The following RANBP10 variants were observed in gnomAD, a reference collection of about 807,000 sequenced individuals.
The protein encoded by RANBP10 is ran-binding protein 10.
In RANBP10, 24 loss-of-function variants were observed where a neutral mutation model predicts 72.8. The ratio of observed to expected loss-of-function variants is 0.33; its 90% confidence interval spans 0.24 to 0.46. RANBP10 has a LOEUF of 0.46. Ranked by LOEUF, RANBP10 falls within the 20% of genes least tolerant of loss-of-function variation. RANBP10 has a pLI of 1.00. For missense variants in RANBP10, 679 were observed against 817.5 expected (o/e 0.83, Z 2.07); for synonymous variants, 310 against 322.3 (o/e 0.96, Z 0.41).
chr16:67,795,319 G>A (rs973731396), intron 2 of RANBP10, among the ~76,000 whole-genome samples: 1 of 150,182 alleles, frequency 6.7e-6, no homozygotes, highest in African/African-American at 2.5e-5. Flanking sequence ...GTAGGAGGAT[G>A]ACCTAAGGTC....
intron 2 of RANBP10, among the ~76,000 whole-genome samples, chr16:67,781,481 C>A (rs1197442157): frequency 2.0e-5 from 3 of 152,132 alleles, no homozygotes; most frequent in Non-Finnish European, 2.9e-5. Context: ...CCAGGGCCTT[C>A]TTTTCTAACT....
At chr16:67,775,170 G>T (rs952668006) in intron 2 of RANBP10, among the ~76,000 whole-genome samples, 1 of 152,030 alleles carries the variant, frequency 6.6e-6, no homozygotes, top group South Asian at 2.1e-4. Flanking sequence ...AAATTAGCAG[G>T]GTGTGGTGGC....
At chr16:67,775,835 A>G (rs982066218) in intron 2 of RANBP10, among the ~76,000 whole-genome samples, 3 of 150,336 alleles carry the variant, frequency 2.0e-5, no homozygotes, top group African/African-American at 7.4e-5. Context: ...AGAAAGGGAA[A>G]CTCTAAAGAT....
intron 2 of RANBP10, among the ~76,000 whole-genome samples, chr16:67,776,764 T>C (rs1396752755): frequency 6.7e-6 from 1 of 149,328 alleles, no homozygotes; most frequent in Non-Finnish European, 1.5e-5. Flanking sequence ...AGAGCAAGAC[T>C]TTGTCTCAAA....
intron 3 of RANBP10, among the ~76,000 whole-genome samples, chr16:67,761,196 C>T (rs1021890081): frequency 1.3e-5 from 2 of 152,236 alleles, no homozygotes; most frequent in Non-Finnish European, 2.9e-5. Flanking sequence ...CCACATCTTC[C>T]AGCAGAAACC....
At chr16:67,748,455 C>T (rs1332410058) in intron 3 of RANBP10, among the ~76,000 whole-genome samples, 3 of 151,418 alleles carry the variant, frequency 2.0e-5, no homozygotes, top group Admixed American at 6.6e-5. Context: ...CCCAGAAAGG[C>T]GGAGGTTGCA....
At chr16:67,775,202 C>T (rs908214040) in intron 2 of RANBP10, among the ~76,000 whole-genome samples, 15 of 151,934 alleles carry the variant, frequency 9.9e-5, no homozygotes, top group Non-Finnish European at 1.9e-4. Flanking sequence ...ATCCCAGCTA[C>T]CAGGGAGCTG....
In RANBP10 at chr16:67,766,888, T is replaced by G. The variant is rs962901105; in HGVS notation, c.400+5146A>C. Among the ~76,000 whole-genome samples, 4 of 152,118 alleles carry G rather than the reference T, an allele frequency of 2.6e-5. No homozygotes were observed. In the East Asian group the frequency reaches 7.7e-4, roughly 29 times the overall value. On this transcript the variant is annotated intron_variant, in intron 3 of 13. Transcript: ENST00000317506. ...GGCATCCATCCTTCCCAGGGAGAAG[T>G]GGTATCTAGATGCAATCTGATTCCT...
At chr16:67,801,134 T>C (rs2055228252) in intron 2 of RANBP10, among the ~76,000 whole-genome samples, 1 of 152,184 alleles carries the variant, frequency 6.6e-6, no homozygotes, top group Admixed American at 6.5e-5. Context: ...TGGAGAACAA[T>C]GACACTAACA....
intron 3 of RANBP10, among the ~76,000 whole-genome samples, chr16:67,769,443 C>CAAAAAAAAAAAAA (rs768960411): frequency 0.013 from 391 of 30,232 alleles, 123 homozygotes; most frequent in East Asian, 0.018. Flanking sequence ...GACCCTGTCT[C>CAAAAAAAAAAAAA]AAAAAAAAAA....
chr16:67,790,256 A>C (rs1469404713), intron 2 of RANBP10, among the ~76,000 whole-genome samples: 5 of 151,852 alleles, frequency 3.3e-5, no homozygotes, highest in Non-Finnish European at 7.3e-5. Context: ...GCAAATTCAT[A>C]GAAACAGAAA....
Position 67,726,229 on chromosome 16 carries a change from G to C in RANBP10, c.*199C>G. On this transcript the variant is annotated 3_prime_UTR_variant, in exon 14 of 14. Transcript: ENST00000317506. The stretch of plus-strand genomic sequence containing the variant: ...TGTGTTACAGGCCGCTGCACGTGAA[G>C]GGGAGAGAGAGAGAGACTGAGCGGG... 2.9e-6 allele frequency: 2 copies of C among 693,908 alleles called. No individual in the cohort carries two copies. The highest frequency in any genetic ancestry group is 3.7e-5 in the South Asian group (2 of 54,516). The allele number at this position is 693,908 out of a possible 1,614,324, so 43.0% of individuals were successfully genotyped here.
intron 5 of RANBP10, 76 bp from the exon 6 acceptor site, chr16:67,735,118 G>C: frequency 7.3e-7 from 1 of 1,369,246 alleles, no homozygotes; most frequent in Non-Finnish European, 9.9e-7. Context: ...CTCCATGGCT[G>C]CTGCTGGCCC....
chr16:67,796,240 T>C (rs1408865134), intron 2 of RANBP10, among the ~76,000 whole-genome samples: 5 of 152,128 alleles, frequency 3.3e-5, no homozygotes, highest in Non-Finnish European at 5.9e-5. Flanking sequence ...TAAAAGTAAA[T>C]ATAACTACTG....
intron 4 of RANBP10, among the ~76,000 whole-genome samples, chr16:67,742,915 C>T (rs935345175): frequency 5.9e-5 from 9 of 152,206 alleles, no homozygotes; most frequent in Non-Finnish European, 1.0e-4. Context: ...AGCTCCTCAC[C>T]ATCTGGTCAC....
intron 5 of RANBP10, among the ~76,000 whole-genome samples, chr16:67,736,530 G>A (rs1322811036): frequency 6.6e-6 from 1 of 152,160 alleles, no homozygotes; most frequent in Non-Finnish European, 1.5e-5. Flanking sequence ...CCCACCATGG[G>A]CTCTGCACAC....
At chr16:67,754,132 C>CA (rs67996811) in intron 3 of RANBP10, among the ~76,000 whole-genome samples, 1,545 of 68,638 alleles carry the variant, frequency 0.023, 12 homozygotes, top group African/African-American at 0.027. Flanking sequence ...GAGTCCTTCT[C>CA]AAAAAAAAAA....
chr16:67,729,999 TC>T lies in RANBP10; in HGVS notation c.936del (p.Thr313ProfsTer29). 3 of 1,613,426 alleles carry T rather than the reference TC, an allele frequency of 1.9e-6. No individual in the cohort carries two copies. Among genetic ancestry groups the T allele is most frequent in the Non-Finnish European group, 2.5e-6 (3 of 1,179,974 alleles). On this transcript the variant is annotated frameshift_variant, in exon 8 of 14. Transcript: ENST00000317506. LOFTEE classifies it high-confidence loss of function. This position sits in a 1 kb window ranked among gnomAD's most constrained non-coding sequence, Gnocchi z 7.1. ...VLEGRVGEAI[E>X]TTQRFYPGLL... ...AGCCCTGGGTAGAAGCGCTGGGTGG[TC>T]TCGATGGCCTCGCCCACACGGCCCT...
intron 6 of RANBP10, among the ~76,000 whole-genome samples, chr16:67,732,743 T>C (rs927274872): frequency 4.0e-5 from 6 of 151,290 alleles, no homozygotes; most frequent in African/African-American, 1.5e-4. Flanking sequence ...CATTGCAAGA[T>C]CTCATCTCTA....
Sources: gnomAD v4.1 joint callset for allele counts (sites outside exome capture counted in the v4.1 genomes callset) on GRCh38, gnomAD v4.1.1 for gene constraint, Gnocchi (gnomAD v3.1) non-coding constraint, MANE v1.5 for transcripts, NCBI Gene and HGNC (gene_info 2026-07-23, HGNC 2026-07-21) for gene names.